TRPM5: variants seen among roughly 807,000 people sequenced by gnomAD.
TRPM5 encodes transient receptor potential cation channel subfamily M member 5.
TRPM5 carries 121 observed loss-of-function variants against 124.9 expected under a neutral mutation model. The ratio of observed to expected loss-of-function variants is 0.97; its 90% CI spans 0.84 to 1.13. The LOEUF (loss-of-function observed/expected upper bound fraction) is 1.13, where lower values mean the gene tolerates loss of function less well. Among genes scored for constraint, TRPM5 ranks in the 50% most tolerant of loss-of-function variants. The pLI is 0.00. For synonymous variants in TRPM5, 781 were observed against 700.5 expected (o/e 1.11, Z -1.81); for missense variants, 1,643 against 1,589.1 (o/e 1.03, Z -0.58).
chr11:2,421,232 A>T, intron 2 of TRPM5, 34 bp from the exon 8 acceptor site: 4 of 1,523,644 alleles, frequency 2.6e-6, no homozygotes, highest in Non-Finnish European at 2.6e-6. Context: ...GTTGTGCCGC[A>T]CGCCCCAGGT....
intron 20 of TRPM5, 151 bp downstream of exon 25, chr11:2,406,968 C>A: frequency 7.7e-7 from 1 of 1,295,146 alleles, no homozygotes; most frequent in Non-Finnish European, 1.0e-6. Flanking sequence ...TGGACGGGCT[C>A]AGCTGTGCCA....
exon 11 of TRPM5, chr11:2,414,825 A>G (rs1850532434): frequency 1.3e-6 from 2 of 1,591,736 alleles, no homozygotes; most frequent in Middle Eastern, 1.7e-4. Context: ...TGCGGCTGCC[A>G]CACCTTCCTG....
exon 9 of TRPM5, chr11:2,415,311 T>C (rs777985396): frequency 1.6e-5 from 25 of 1,583,084 alleles, no homozygotes; most frequent in Non-Finnish European, 1.0e-5. Flanking sequence ...CTGCAGCAGG[T>C]CGAAGAGCAG....
At position 2,404,976 on chromosome 11, in the gene TRPM5, C is replaced by T. The variant is rs748323219; in HGVS notation, c.3459G>A (p.Trp1153Ter). The T allele has an allele frequency of 2.5e-6, 4 of 1,612,640 alleles. No homozygotes were observed. In the African/African-American group the frequency reaches 4.0e-5, roughly 16 times the overall value. ...GAGGCTGGCCAGCCCCGGGTTGTTC[C>T]CAGCCATCTAAACCACCTCTGTGGT... Residue 1153 changes from tryptophan (W) to a stop codon, truncating the protein, a stop_gained, in exon 24 of 24, where the codon TGG becomes TGA. Coordinates refer to ENST00000155858, the Ensembl canonical transcript of TRPM5. LOFTEE classifies it high-confidence loss of function.
At chr11:2,436,888 C>A in the TRPM5 span, among the ~76,000 whole-genome samples, 63 of 152,356 alleles carry the variant, frequency 4.1e-4, no homozygotes, top group African/African-American at 1.4e-3. Context: ...TCAAAGTGAA[C>A]GCAGCCAGAA....
At chr11:2,425,628 G>GGGTCCTC (rs1845834443), upstream of TRPM5, among the ~76,000 whole-genome samples, 4 of 152,230 alleles carry the variant, frequency 2.6e-5, no homozygotes, top group African/African-American at 7.2e-5. Flanking sequence ...CCCTGGGCGG[G>GGGTCCTC]AGTCCTCACC....
At chr11:2,422,201 T>C (rs1455270368) in exon 2 of TRPM5, 1 of 1,612,220 alleles carries the variant, frequency 6.2e-7, no homozygotes, top group Non-Finnish European at 8.5e-7. Context: ...CAGGACTTCA[T>C]GGCGAAAGGC....
rs909750567 is a variant in TRPM5, at chr11:2,409,932, T to C, written c.2782+1420A>G. ...TCGAGAAGGAGGCTATGGCCAGGCC[T>C]GTCTCCTCATACGAGTCGCTGAGAC... On this transcript the variant is annotated intron_variant, in intron 18 of 23. Coordinates refer to ENST00000155858, the Ensembl canonical transcript of TRPM5. 4.6e-5 allele frequency among the ~76,000 whole-genome samples: 7 copies of C among 152,178 alleles called. 1 individual carries two copies. Among genetic ancestry groups the C allele is most frequent in the South Asian group, 4.1e-4 (2 of 4,824 alleles).
chr11:2,416,139 T>G (rs1845670819), intron 7 of TRPM5, 115 bp from the exon 13 acceptor site: 4 of 701,680 alleles, frequency 5.7e-6, no homozygotes, highest in Admixed American at 2.5e-5. Flanking sequence ...AACTTCACGC[T>G]GGGACTTGAG....
At chr11:2,435,168 C>A in the TRPM5 span, among the ~76,000 whole-genome samples, 1 of 152,060 alleles carries the variant, frequency 6.6e-6, no homozygotes, top group Non-Finnish European at 1.5e-5. This position sits in a 1 kb window ranked among gnomAD's most constrained non-coding sequence, Gnocchi z 4.1. Flanking sequence ...AGACAACAAG[C>A]AAGGGGATAC....
chr11:2,428,478 G>T, the TRPM5 span, among the ~76,000 whole-genome samples: 4 of 151,830 alleles, frequency 2.6e-5, no homozygotes, highest in Non-Finnish European at 5.9e-5. The surrounding 1 kb of genome is among the most constrained non-coding windows in gnomAD (Gnocchi z 4.0). Flanking sequence ...CAGTAGTGGT[G>T]GTGGTGGTGA....
At chr11:2,433,914 A>G in the TRPM5 span, among the ~76,000 whole-genome samples, 1 of 151,702 alleles carries the variant, frequency 6.6e-6, no homozygotes, top group Non-Finnish European at 1.5e-5. Context: ...GTATGTAGAC[A>G]TTGTGTGTGG....
chr11:2,412,968 C>T, exon 15 of TRPM5: 2 of 1,604,404 alleles, frequency 1.2e-6, no homozygotes, highest in East Asian at 2.2e-5. Context: ...AGCACGTGGG[C>T]CTCGGTCACC....
chr11:2,410,733 T>C (rs2133508246), intron 18 of TRPM5: 1 of 453,686 alleles, frequency 2.2e-6, no homozygotes, highest in African/African-American at 2.0e-5. Flanking sequence ...GCTACAGGGG[T>C]CGGCCTGGGG....
At chr11:2,434,188 ATG>A in the TRPM5 span, among the ~76,000 whole-genome samples, 1 of 145,338 alleles carries the variant, frequency 6.9e-6, no homozygotes, top group African/African-American at 2.6e-5. Flanking sequence ...TGGACGGTGT[ATG>A]TGTGTGTATG....
Position 2,415,058 on chromosome 11 carries a change from C to T in TRPM5, c.1480-11G>A, listed in dbSNP as rs748987438. The T allele has an allele frequency of 3.3e-5, 52 of 1,596,276 alleles. No individual in the cohort carries two copies. The highest frequency in any genetic ancestry group is 1.7e-4 in the Middle Eastern group (1 of 6,048). ...GGCCGGGCCCTTCTCCTGGAGGACA[C>T]GGGCGTCGGCCTCCTGCTGCGGCCC... On this transcript the variant is annotated splice_polypyrimidine_tract_variant and intron_variant, in intron 9 of 23. Transcript: ENST00000155858.
chr11:2,421,335 T>G (rs950059564), intron 2 of TRPM5, 137 bp from the exon 8 acceptor site: 1 of 1,143,168 alleles, frequency 8.7e-7, no homozygotes. Flanking sequence ...TGCCTCACGG[T>G]GGGGTGGGGA....
At chr11:2,408,045 G>T (rs1436086724) in intron 18 of TRPM5, 133 bp from the exon 24 acceptor site, 7 of 1,204,256 alleles carry the variant, frequency 5.8e-6, no homozygotes, top group Non-Finnish European at 8.0e-6. Flanking sequence ...GTGACCCACT[G>T]TCCCAGTTCA....
intron 2 of TRPM5, 118 bp from the exon 8 acceptor site, chr11:2,421,316 G>T: frequency 7.9e-7 from 1 of 1,271,230 alleles, no homozygotes; most frequent in Non-Finnish European, 1.1e-6. Flanking sequence ...AGGGGTGGGT[G>T]CTGGGGAATG....
Sources: allele counts gnomAD v4.1 joint callset (sites outside exome capture counted in the v4.1 genomes callset), GRCh38; gene constraint gnomAD v4.1.1; non-coding constraint Gnocchi (gnomAD v3.1); transcripts MANE v1.5; gene names NCBI Gene and HGNC (gene_info 2026-07-23, HGNC 2026-07-21).